Variants in PSTPIP1 observed in about 807,000 individuals in gnomAD.
PSTPIP1 encodes proline-serine-threonine phosphatase interacting protein 1.
A neutral mutation model predicts 69.6 loss-of-function variants in PSTPIP1; 66 were observed. The observed-to-expected ratio is 0.95, with a 90% CI of 0.78 to 1.16. The LOEUF (loss-of-function observed/expected upper bound fraction) is 1.16, where lower values mean the gene tolerates loss of function less well. Ranked by LOEUF, PSTPIP1 falls within the 50% of genes most tolerant of loss-of-function variation. The pLI, the probability that PSTPIP1 is intolerant of heterozygous loss-of-function variation, is 0.00. For missense variants in PSTPIP1, 603 were observed against 557.4 expected (o/e 1.08, Z -0.82); for synonymous variants, 266 against 222.7 (o/e 1.19, Z -1.73).
In PSTPIP1 at chr15:77,008,657, G is replaced by A. The variant is rs575776396; in HGVS notation, c.37-9491G>A. ...ACTCCTGACCTCAGGTAATCCACCC[G>A]CCTCGGCTTTCCAAAGTGCTGGGAT... On this transcript the variant is annotated intron_variant, in intron 1 of 14. Coordinates refer to ENST00000558012, the MANE Select transcript of PSTPIP1 (RefSeq NM_003978.5). Among the ~76,000 whole-genome samples the A allele has an allele frequency of 7.2e-5, 11 of 152,234 alleles. No individual in the cohort carries two copies. The South Asian group carries it at 1.7e-3, about 23-fold the overall frequency.
At chr15:77,028,468 G>A in intron 6 of PSTPIP1, 86 bp from the exon 7 acceptor site, 2 of 1,196,354 alleles carry the variant, frequency 1.7e-6, no homozygotes, top group Non-Finnish European at 2.3e-6. Flanking sequence ...CAGGGAAAAA[G>A]GGAGGCTGGG....
At position 77,027,943 on chromosome 15, in the gene PSTPIP1, T is replaced by C; in HGVS notation, c.417+29T>C. 1 of 1,528,000 alleles carries C rather than the reference T, an allele frequency of 6.5e-7. No individual in the cohort carries two copies. Among genetic ancestry groups the C allele is most frequent in the Non-Finnish European group, 8.9e-7 (1 of 1,126,380 alleles). The allele number at this position is 1,528,000 out of a possible 1,614,324, so 94.7% of individuals were successfully genotyped here. ...AGCGCCAGGGCCTGGGGCCGCGGCC[T>C]TCCCTCGAGGAGCAGCGCAGGTCTC... On this transcript the variant is annotated intron_variant, in intron 6 of 14. Transcript: ENST00000558012. The surrounding 1 kb of genome is among the most constrained non-coding windows in gnomAD (Gnocchi z 4.3).
At position 77,022,718 on chromosome 15, in the gene PSTPIP1, G is replaced by A. The variant is rs189640841; in HGVS notation, c.213-2566G>A. ...GGCTGCCTCCTTGAAATTTCATCTG[G>A]GGCCAAGAAAGGGAGGAGTGTTCTG... On this transcript the variant is annotated intron_variant, in intron 3 of 14. Transcript: ENST00000558012. 3.9e-5 allele frequency among the ~76,000 whole-genome samples: 6 copies of A among 152,326 alleles called. 1 individual carries two copies. In the East Asian group the frequency reaches 1.2e-3, roughly 29 times the overall value.
At position 77,035,838 on chromosome 15, in the gene PSTPIP1, A is replaced by C; in HGVS notation, c.1022A>C (p.Asn341Thr). Reference protein sequence around the residue: ...TETLTPTPERNEGVYTAIAVQ... With the variant: ...TETLTPTPERTEGVYTAIAVQ... ...ACCCTGACCCCCACCCCCGAGCGGA[A>C]TGAGGGTGTCTACACAGCCATCGCA... is the stretch of plus-strand genomic sequence containing the variant. The change falls in exon 14 of 15, where the codon AAT (asparagine) becomes ACT (threonine). Residue 341 changes from asparagine (N) to threonine (T), a missense_variant. Transcript: ENST00000558012. 6.2e-7 allele frequency: 1 copy of C among 1,610,240 alleles called. No homozygotes were observed. Among genetic ancestry groups the C allele is most frequent in the Non-Finnish European group, 8.5e-7 (1 of 1,179,614 alleles).
Position 77,027,810 on chromosome 15 carries a change from C to T in PSTPIP1, c.355-42C>T, listed in dbSNP as rs776772924. On this transcript the variant is annotated intron_variant, in intron 5 of 14. Coordinates refer to ENST00000558012, the MANE Select transcript of PSTPIP1 (RefSeq NM_003978.5). The surrounding 1 kb of genome is among the most constrained non-coding windows in gnomAD (Gnocchi z 4.3). Reference sequence around the variant, plus strand: ...GTCCTCTTGGCCTAGGGGAGCCTCCCGAGGCCGCGGCCCTCGGCTCAGAAC... The same window carrying T: ...GTCCTCTTGGCCTAGGGGAGCCTCCTGAGGCCGCGGCCCTCGGCTCAGAAC... 5 of 1,549,700 alleles carry T rather than the reference C, an allele frequency of 3.2e-6. No homozygotes were observed. The highest frequency in any genetic ancestry group is 8.7e-7 in the Non-Finnish European group (1 of 1,146,438).
chr15:77,017,276 A>T (rs1008611866), intron 1 of PSTPIP1, among the ~76,000 whole-genome samples: 7 of 152,046 alleles, frequency 4.6e-5, no homozygotes, highest in Non-Finnish European at 7.4e-5. Context: ...AACTTCTCAC[A>T]CCCAGCTTCC....
intron 3 of PSTPIP1, among the ~76,000 whole-genome samples, chr15:77,018,788 C>T (rs748672214): frequency 6.6e-6 from 1 of 152,174 alleles, no homozygotes; most frequent in Admixed American, 6.5e-5. Flanking sequence ...ATTTGCAGCG[C>T]AGTCTGCACC....
chr15:77,032,383 C>A lies in PSTPIP1; in HGVS notation c.827C>A (p.Thr276Lys), dbSNP rs1328920649. The change falls in exon 11 of 15, where the codon ACA becomes AAA. Residue 276 changes from threonine (T) to lysine (K), a missense_variant. Transcript: ENST00000558012. ...TTCATCCAGGCCAAGAGCACGGGCA[C>A]AGAGCCCCCCGGTGAGGTCCGGCTT... ...DSFIQAKSTGTEPPAPVPYQN... is the reference protein window; with the variant it reads ...DSFIQAKSTGKEPPAPVPYQN... 1 of 1,612,694 alleles carries A rather than the reference C, an allele frequency of 6.2e-7. No homozygotes were observed. The highest frequency in any genetic ancestry group is 1.1e-5 in the South Asian group (1 of 91,086).
chr15:77,018,701 G>A (rs901276973), intron 3 of PSTPIP1, among the ~76,000 whole-genome samples, 170 bp downstream of exon 3: 5 of 152,190 alleles, frequency 3.3e-5, no homozygotes, highest in African/African-American at 1.2e-4. Flanking sequence ...GCCAGGTTCT[G>A]TGAGGGAGGA....
intron 3 of PSTPIP1, among the ~76,000 whole-genome samples, chr15:77,021,709 G>A (rs2076165309): frequency 6.6e-6 from 1 of 152,096 alleles, no homozygotes; most frequent in African/African-American, 2.4e-5. Context: ...TATTTGCAGG[G>A]GGCTTACCAA....
intron 3 of PSTPIP1, among the ~76,000 whole-genome samples, chr15:77,018,906 T>C (rs1471474639): frequency 2.0e-5 from 3 of 152,148 alleles, no homozygotes; most frequent in Admixed American, 1.3e-4. Context: ...AGGATGGAGA[T>C]GTAGCCAGAG....
At chr15:77,025,356 A>G in intron 4 of PSTPIP1, 38 bp downstream of exon 4, 1 of 1,592,568 alleles carries the variant, frequency 6.3e-7, no homozygotes, top group Non-Finnish European at 8.6e-7. Flanking sequence ...ATCTTTTGGG[A>G]CTGCGAGGCT....
chr15:77,001,462 C>T (rs953008282), intron 1 of PSTPIP1, among the ~76,000 whole-genome samples: 9 of 152,196 alleles, frequency 5.9e-5, no homozygotes, highest in African/African-American at 2.2e-4. Context: ...TTGTGGAAGG[C>T]CTTGCAGCCC....
chr15:76,995,484 C>G lies in PSTPIP1; in HGVS notation c.-90C>G. 3.7e-6 allele frequency: 6 copies of G among 1,606,536 alleles called. No individual in the cohort carries two copies. Among genetic ancestry groups the G allele is most frequent in the Non-Finnish European group, 5.1e-6 (6 of 1,176,696 alleles). On this transcript the variant is annotated 5_prime_UTR_variant, in exon 1 of 15. Coordinates refer to ENST00000558012, the MANE Select transcript of PSTPIP1 (RefSeq NM_003978.5). ...GGAAGGGGGGCCTGGGCCAGCCCTG[C>G]CAGGACTGGGACGCTGCTGCTGGCG... is the stretch of plus-strand genomic sequence containing the variant.
Position 77,031,098 on chromosome 15 carries a change from C to T in PSTPIP1, c.643-82C>T, listed in dbSNP as rs564565151. The T allele has an allele frequency of 1.2e-4, 160 of 1,358,006 alleles. 1 individual carries two copies. Among genetic ancestry groups the T allele is most frequent in the African/African-American group, 7.6e-4 (53 of 69,786 alleles). 84.1% of individuals were successfully genotyped at this position (1,358,006 alleles called of 1,614,324 possible). On this transcript the variant is annotated intron_variant, in intron 9 of 14. Transcript: ENST00000558012. ...CAGAGAGGGCTGGCCTGGTCAGCTC[C>T]GGCTGAGCTGTGAATGGGGCCCAGC...
Position 77,025,447 on chromosome 15 carries a change from G to A in PSTPIP1, c.248-51G>A. On this transcript the variant is annotated intron_variant, in intron 4 of 14. Coordinates refer to ENST00000558012, the MANE Select transcript of PSTPIP1 (RefSeq NM_003978.5). ...CCACACGGGTGAGTTGTGGGTGGCT[G>A]AGGCCCATCAGATCTGACACTGGGG... 4 of 1,588,568 alleles carry A rather than the reference G, an allele frequency of 2.5e-6. No individual in the cohort carries two copies. In the Admixed American group the frequency reaches 7.1e-5, roughly 28 times the overall value.
intron 12 of PSTPIP1, among the ~76,000 whole-genome samples, chr15:77,033,348 C>T (rs758926726): frequency 1.3e-5 from 2 of 152,188 alleles, no homozygotes; most frequent in African/African-American, 2.4e-5. Context: ...GCTCCTTCCC[C>T]GGCCTGGCTG....
Position 77,036,640 on chromosome 15 carries a change from C to T in PSTPIP1, c.1120-405C>T, listed in dbSNP as rs189368761. ...GCCAGGGCTCGGGGAGGCAGGGAAG[C>T]CAGGCCAGGAGAGTGATGGGGTACT... On this transcript the variant is annotated intron_variant, in intron 14 of 14. Coordinates refer to ENST00000558012, the MANE Select transcript of PSTPIP1 (RefSeq NM_003978.5). 3.3e-3 allele frequency among the ~76,000 whole-genome samples: 507 copies of T among 152,232 alleles called. 1 individual carries two copies. The highest frequency in any genetic ancestry group is 6.1e-3 in the Admixed American group (93 of 15,276).
upstream of PSTPIP1, chr15:76,994,813 T>C (rs2075538454): frequency 9.3e-6 from 12 of 1,289,038 alleles, no homozygotes; most frequent in Non-Finnish European, 1.2e-5. Context: ...GCCCTAGACC[T>C]GGGTAAGCCC....
Sources: allele counts gnomAD v4.1 joint callset (sites outside exome capture counted in the v4.1 genomes callset), GRCh38; gene constraint gnomAD v4.1.1; non-coding constraint Gnocchi (gnomAD v3.1); transcripts MANE v1.5; gene names NCBI Gene and HGNC (gene_info 2026-07-23, HGNC 2026-07-21).